The following RBFOX1 variants were observed in gnomAD, a reference collection of about 807,000 sequenced individuals.
RBFOX1 encodes the protein RNA binding protein fox-1 homolog 1.
A neutral mutation model predicts 57.7 loss-of-function variants in RBFOX1; 8 were observed. The ratio of observed to expected loss-of-function variants is 0.14; its 90% CI spans 0.08 to 0.25. RBFOX1 has a LOEUF of 0.25. Ranked by LOEUF, RBFOX1 falls within the 10% of genes least tolerant of loss-of-function variation. RBFOX1 has a pLI of 1.00. For synonymous variants in RBFOX1, 326 were observed against 222.4 expected, an observed-to-expected ratio of 1.47 and a Z score of -4.15; for missense variants, 611 against 548.5, an observed-to-expected ratio of 1.11 and a Z score of -1.14.
chr16:5,278,077 C>T (rs1420334125), intron 1 of RBFOX1, among the ~76,000 whole-genome samples: 1 of 152,128 alleles, frequency 6.6e-6, no homozygotes, highest in African/African-American at 2.4e-5. Context: ...TGAGAAATCT[C>T]TGTGCTTTTT....
intron 3 of RBFOX1, among the ~76,000 whole-genome samples, chr16:6,972,152 G>A (rs1483592646): frequency 2.6e-5 from 4 of 152,112 alleles, no homozygotes; most frequent in Admixed American, 1.3e-4. Context: ...ATATAGTTCA[G>A]TAGTGTTCAG....
chr16:7,188,748 C>A (rs767047710), intron 4 of RBFOX1, among the ~76,000 whole-genome samples: 1 of 152,124 alleles, frequency 6.6e-6, no homozygotes, highest in Non-Finnish European at 1.5e-5. Flanking sequence ...TACAGATTTG[C>A]CTTGTAATTG....
chr16:7,653,578 G>A (rs1168590959), intron 11 of RBFOX1, among the ~76,000 whole-genome samples: 1 of 152,154 alleles, frequency 6.6e-6, no homozygotes, highest in African/African-American at 2.4e-5. Context: ...GCAAATGTTT[G>A]TCAGTCACCA....
At chr16:5,828,687 C>T (rs577979683) in intron 3 of RBFOX1, among the ~76,000 whole-genome samples, 6 of 150,574 alleles carry the variant, frequency 4.0e-5, no homozygotes, top group African/African-American at 1.5e-4. Flanking sequence ...GAGCGAGACT[C>T]CAAAAAAGAA....
chr16:6,710,086 G>A (rs571692982), intron 3 of RBFOX1, among the ~76,000 whole-genome samples: 1 of 152,130 alleles, frequency 6.6e-6, no homozygotes, highest in South Asian at 2.1e-4. Context: ...TATTTGTGGG[G>A]TATTGGGGAG....
chr16:5,862,475 G>C (rs1235270107), intron 3 of RBFOX1, among the ~76,000 whole-genome samples: 1 of 152,096 alleles, frequency 6.6e-6, no homozygotes, highest in Non-Finnish European at 1.5e-5. Flanking sequence ...GGCAGGGATG[G>C]GGTGACCTGC....
At chr16:7,068,452 C>T (rs117234750) in intron 4 of RBFOX1, among the ~76,000 whole-genome samples, 1,677 of 152,264 alleles carry the variant, frequency 0.011, 17 homozygotes, top group Non-Finnish European at 0.017. Flanking sequence ...CTCACCTCTA[C>T]CTGCCTTTTG....
At chr16:6,689,041 T>C (rs1008019531) in intron 3 of RBFOX1, among the ~76,000 whole-genome samples, 5 of 152,326 alleles carry the variant, frequency 3.3e-5, no homozygotes, top group African/African-American at 9.6e-5. Flanking sequence ...CTATTATTGA[T>C]GGGCATTTGG....
At chr16:6,674,468 C>T (rs1021596920) in intron 3 of RBFOX1, among the ~76,000 whole-genome samples, 1 of 151,988 alleles carries the variant, frequency 6.6e-6, no homozygotes, top group African/African-American at 2.4e-5. Context: ...ATTATAGGCA[C>T]CTGTCACCAT....
chr16:5,675,609 C>T (rs528388216), intron 3 of RBFOX1, among the ~76,000 whole-genome samples: 3 of 152,340 alleles, frequency 2.0e-5, no homozygotes, highest in South Asian at 4.1e-4. Flanking sequence ...GGAGCCTCAA[C>T]ACTGAGCCTT....
chr16:6,905,899 AG>A (rs1363457333), intron 3 of RBFOX1, among the ~76,000 whole-genome samples: 1 of 152,202 alleles, frequency 6.6e-6, no homozygotes, highest in Non-Finnish European at 1.5e-5. Context: ...GAGTGTCCAC[AG>A]GCTTTCTCTG....
chr16:5,817,033 C>T (rs1317773781), intron 3 of RBFOX1, among the ~76,000 whole-genome samples: 4 of 152,136 alleles, frequency 2.6e-5, no homozygotes, highest in Admixed American at 2.6e-4. Flanking sequence ...ACTAGGAGAT[C>T]CACCCACCTC....
chr16:5,386,081 GT>G (rs1410309631), intron 1 of RBFOX1, among the ~76,000 whole-genome samples: 1 of 149,922 alleles, frequency 6.7e-6, no homozygotes, highest in Non-Finnish European at 1.5e-5. Context: ...TTATAATCCT[GT>G]TTTGAACTTG....
In RBFOX1 at chr16:6,670,309, G is replaced by A. The variant is rs537530249; in HGVS notation, c.-16+15659G>A. ...GGCTTCCAAGTCCGGAGCTCAAGCA[G>A]TCCTTCCATCTTGGTCTCCCAAAAT... On this transcript the variant is annotated intron_variant, in intron 3 of 15. Transcript: ENST00000550418. 1.1e-3 allele frequency among the ~76,000 whole-genome samples: 169 copies of A among 152,154 alleles called. 1 individual carries two copies. The highest frequency in any genetic ancestry group is 3.9e-3 in the African/African-American group (160 of 41,542).
chr16:5,799,288 C>G (rs1315808625), intron 3 of RBFOX1, among the ~76,000 whole-genome samples: 1 of 152,086 alleles, frequency 6.6e-6, no homozygotes, highest in African/African-American at 2.4e-5. Flanking sequence ...GTTCCTCCCA[C>G]AACACATGGG....
Position 7,344,150 on chromosome 16 carries a change from C to T in RBFOX1, c.28-173997C>T, listed in dbSNP as rs180970513. ...TTAACTCCTAAGCTACTCTGAACTG[C>T]AGTTTTCTCTTCGGTAAAATGGCCC... On this transcript the variant is annotated intron_variant, in intron 4 of 15. Coordinates refer to ENST00000550418, the MANE Select transcript of RBFOX1 (RefSeq NM_018723.4). 1.3e-4 allele frequency among the ~76,000 whole-genome samples: 17 copies of T among 131,528 alleles called. No individual in the cohort carries two copies. In the East Asian group the frequency reaches 3.7e-3, roughly 29 times the overall value. The allele number at this position is 131,528 out of a possible 152,430, so 86.3% of individuals were successfully genotyped here.
At position 6,252,497 on chromosome 16, in the gene RBFOX1, G is replaced by C. The variant is rs144733684; in HGVS notation, c.-126-64498G>C. ...AAAAGTAAGTGTGGAGATCTGTTCA[G>C]TTCTGTAATTGAGTTGGGAAGTCGA... On this transcript the variant is annotated intron_variant, in intron 1 of 15. Coordinates refer to ENST00000550418, the MANE Select transcript of RBFOX1 (RefSeq NM_018723.4). Among the ~76,000 whole-genome samples, 106 of 152,276 alleles carry C rather than the reference G, an allele frequency of 7.0e-4. 1 individual carries two copies. Among genetic ancestry groups the C allele is most frequent in the African/African-American group, 2.5e-3 (102 of 41,564 alleles).
intron 2 of RBFOX1, among the ~76,000 whole-genome samples, chr16:6,512,813 C>T (rs780148894): frequency 1.3e-5 from 2 of 152,140 alleles, no homozygotes; most frequent in African/African-American, 4.8e-5. Context: ...CACAGCCAAG[C>T]CTAAGCTTTG....
chr16:7,035,403 A>C (rs1167495842), intron 3 of RBFOX1, among the ~76,000 whole-genome samples: 7 of 152,204 alleles, frequency 4.6e-5, no homozygotes, highest in Non-Finnish European at 1.0e-4. Flanking sequence ...TAAATTAAAT[A>C]AAATGCACCC....
Sources: allele counts gnomAD v4.1 joint callset (sites outside exome capture counted in the v4.1 genomes callset), GRCh38; gene constraint gnomAD v4.1.1; transcripts MANE v1.5; gene names NCBI Gene and HGNC (gene_info 2026-07-23, HGNC 2026-07-21).